Variants in CBLB observed in about 807,000 individuals in gnomAD.
CBLB encodes Cbl proto-oncogene B.
CBLB carries 31 observed loss-of-function variants against 104.9 expected under a neutral mutation model. The ratio of observed to expected loss-of-function variants is 0.30; its 90% CI spans 0.22 to 0.40. The LOEUF is 0.40. CBLB is among the 10% of genes least tolerant of loss of function. The pLI, the probability that CBLB is intolerant of heterozygous loss-of-function variation, is 1.00. For missense variants in CBLB, 1,062 were observed against 1,214.6 expected (o/e 0.87, Z 1.87); for synonymous variants, 440 against 422.6 (o/e 1.04, Z -0.51).
chr3:105,838,045 A>G (rs933769344), intron 3 of CBLB, among the ~76,000 whole-genome samples: 5 of 151,606 alleles, frequency 3.3e-5, no homozygotes, highest in Admixed American at 2.6e-4. Flanking sequence ...GGAGACACAG[A>G]AGAGACATAG....
rs145199206 is a variant in CBLB at position 105,686,656 on chromosome 3, T to G, written c.2055-1190A>C. On this transcript the variant is annotated intron_variant, in intron 13 of 18. Coordinates refer to ENST00000394030, the MANE Select transcript of CBLB (RefSeq NM_170662.5). ...ATTTTGAAAAATCTAAAGATTTAAG[T>G]TTCAACCATATTATCTAAGTCATTA... Among the ~76,000 whole-genome samples, 966 of 152,202 alleles carry G rather than the reference T, an allele frequency of 6.3e-3. 11 individuals carry two copies. The highest frequency in any genetic ancestry group is 0.022 in the African/African-American group (919 of 41,552).
chr3:105,742,399 A>T (rs1367073846), intron 6 of CBLB, among the ~76,000 whole-genome samples: 3 of 152,174 alleles, frequency 2.0e-5, no homozygotes, highest in African/African-American at 2.4e-5. Flanking sequence ...ACTAGAATTT[A>T]AAAAAAGAAG....
intron 5 of CBLB, among the ~76,000 whole-genome samples, chr3:105,751,169 C>A (rs543296954): frequency 1.3e-5 from 2 of 152,252 alleles, no homozygotes; most frequent in South Asian, 4.1e-4. Flanking sequence ...AAGTAAGAAA[C>A]TAAGTAGAGA....
chr3:105,750,992 A>G (rs761891098), intron 5 of CBLB, among the ~76,000 whole-genome samples: 25 of 152,360 alleles, frequency 1.6e-4, no homozygotes, highest in Admixed American at 1.4e-3. Context: ...TAAGTACAGG[A>G]CACAGTTCTG....
chr3:105,753,140 C>A (rs2076740163), intron 4 of CBLB, among the ~76,000 whole-genome samples: 1 of 152,036 alleles, frequency 6.6e-6, no homozygotes, highest in Non-Finnish European at 1.5e-5. Flanking sequence ...TGGGAAGTGG[C>A]ATAAATTAAT....
chr3:105,859,661 T>G (rs2091930087), intron 2 of CBLB, among the ~76,000 whole-genome samples: 1 of 15,886 alleles, frequency 6.3e-5, no homozygotes, highest in African/African-American at 2.3e-4. Flanking sequence ...AGACTCCGTG[T>G]CAAAAAAAAA....
intron 17 of CBLB, among the ~76,000 whole-genome samples, chr3:105,677,487 T>C (rs963945466): frequency 6.6e-6 from 1 of 151,984 alleles, no homozygotes; most frequent in African/African-American, 2.4e-5. Context: ...AAGGACAAAC[T>C]GAGCACTTTT....
At chr3:105,679,645 A>G (rs901511419) in intron 16 of CBLB, among the ~76,000 whole-genome samples, 1 of 151,994 alleles carries the variant, frequency 6.6e-6, no homozygotes, top group Non-Finnish European at 1.5e-5. Flanking sequence ...GCATGGTGGT[A>G]CGTGACTGTA....
chr3:105,776,346 A>C (rs751990977), intron 4 of CBLB, 50 bp downstream of exon 4: 1 of 1,526,612 alleles, frequency 6.6e-7, no homozygotes. Flanking sequence ...GGGAGGATAC[A>C]GTAACCCTTG....
intron 3 of CBLB, chr3:105,839,403 A>T (rs141018678): frequency 1.8e-4 from 27 of 152,382 alleles, no homozygotes; most frequent in African/African-American, 6.3e-4. Context: ...GTCTATAGCT[A>T]TCAGTCATTG....
intron 1 of CBLB, chr3:105,868,458 T>G: frequency 8.4e-6 from 3 of 356,440 alleles, no homozygotes; most frequent in Admixed American, 4.7e-5. Flanking sequence ...ACCGTCCGTC[T>G]AGGGCGCGGG....
chr3:105,857,218 A>T (rs2091705847), intron 2 of CBLB, among the ~76,000 whole-genome samples: 2 of 152,186 alleles, frequency 1.3e-5, no homozygotes, highest in Non-Finnish European at 2.9e-5. Context: ...TGTTTTACAA[A>T]TATTTAATTC....
rs763077412 is a variant in CBLB, at chr3:105,720,069, T to C, written c.1385A>G (p.Asn462Ser). The change falls in exon 10 of 19, where the codon AAT becomes AGT. Residue 462 changes from asparagine (N) to serine (S), a missense_variant. This residue lies in a region of CBLB where 457 missense variants were observed against 632.0 expected (regional missense o/e 0.72). Transcript: ENST00000394030. ...DDDREESLMMNRLANVRKCTD... is the reference protein window; with the variant it reads ...DDDREESLMMSRLANVRKCTD... Reference sequence around the variant, plus strand: ...TACCTTTCGGACGTTTGCCAACCGATTCATCATCAAGGACTCCTCACGATC... The same window carrying C: ...TACCTTTCGGACGTTTGCCAACCGACTCATCATCAAGGACTCCTCACGATC... The C allele has an allele frequency of 5.0e-6, 8 of 1,613,746 alleles. 1 individual carries two copies. The South Asian group carries it at 8.8e-5, about 18-fold the overall frequency.
At chr3:105,730,808 T>C (rs2074239930) in intron 9 of CBLB, among the ~76,000 whole-genome samples, 1 of 152,172 alleles carries the variant, frequency 6.6e-6, no homozygotes, top group Non-Finnish European at 1.5e-5. Context: ...ATAAATGTAA[T>C]TTATTATTTC....
intron 4 of CBLB, among the ~76,000 whole-genome samples, chr3:105,771,420 A>G (rs1481410400): frequency 1.3e-5 from 2 of 152,204 alleles, no homozygotes; most frequent in South Asian, 2.1e-4. Context: ...ATCTATAGCT[A>G]ACATCATACT....
At chr3:105,703,431 T>C (rs1259603376) in intron 11 of CBLB, among the ~76,000 whole-genome samples, 4 of 152,180 alleles carry the variant, frequency 2.6e-5, no homozygotes, top group Admixed American at 2.6e-4. Flanking sequence ...AAATAAACTG[T>C]AGGTTTAACT....
At chr3:105,664,590 CAATGCGTGTAT>C (rs2064163060) in intron 18 of CBLB, among the ~76,000 whole-genome samples, 1 of 152,010 alleles carries the variant, frequency 6.6e-6, no homozygotes, top group South Asian at 2.1e-4. Context: ...TTTTATTTTC[CAATGCGTGTAT>C]AATATGCGCA....
intron 2 of CBLB, among the ~76,000 whole-genome samples, chr3:105,863,625 G>A (rs1474790973): frequency 6.6e-6 from 1 of 152,130 alleles, no homozygotes; most frequent in African/African-American, 2.4e-5. Flanking sequence ...ATCCTTGATT[G>A]ACAAACTTTA....
chr3:105,794,787 T>C (rs2082069665), intron 3 of CBLB, among the ~76,000 whole-genome samples: 1 of 152,184 alleles, frequency 6.6e-6, no homozygotes, highest in African/African-American at 2.4e-5. Flanking sequence ...TAAAAATATA[T>C]ACATACATTC....
Sources: gnomAD v4.1 joint callset for allele counts (sites outside exome capture counted in the v4.1 genomes callset) on GRCh38, gnomAD v4.1.1 for gene constraint, gnomAD v4.1.1 regional missense constraint, MANE v1.5 for transcripts, NCBI Gene and HGNC (gene_info 2026-07-23, HGNC 2026-07-21) for gene names.